MNAT1: variants seen among roughly 807,000 people sequenced by gnomAD.
MNAT1 encodes CDK-activating kinase assembly factor MAT1.
A neutral mutation model predicts 42.0 loss-of-function variants in MNAT1; 43 were observed. The ratio of observed to expected loss-of-function variants is 1.02; its 90% confidence interval spans 0.80 to 1.32. The LOEUF (loss-of-function observed/expected upper bound fraction) is 1.32, where lower values mean the gene tolerates loss of function less well. Among genes scored for constraint, MNAT1 ranks in the 40% most tolerant of loss-of-function variants. The pLI is 0.00. For synonymous variants in MNAT1, 118 were observed against 120.0 expected, an observed-to-expected ratio of 0.98 and a Z score of 0.11; for missense variants, 306 against 350.4, an observed-to-expected ratio of 0.87 and a Z score of 1.01.
chr14:60,830,983 A>T (rs1170079224), intron 6 of MNAT1, among the ~76,000 whole-genome samples: 1 of 152,134 alleles, frequency 6.6e-6, no homozygotes, highest in Non-Finnish European at 1.5e-5. Flanking sequence ...GCCTCCTGTT[A>T]ACATTTTTCT....
intron 6 of MNAT1, among the ~76,000 whole-genome samples, chr14:60,866,956 G>C (rs974659413): frequency 6.6e-6 from 1 of 151,988 alleles, no homozygotes; most frequent in Non-Finnish European, 1.5e-5. Flanking sequence ...ACATTTTTCT[G>C]TGTGGAACAC....
chr14:60,858,994 A>G (rs552772861), intron 6 of MNAT1, among the ~76,000 whole-genome samples: 7 of 152,350 alleles, frequency 4.6e-5, no homozygotes, highest in African/African-American at 9.6e-5. Flanking sequence ...TCTCCGAAGT[A>G]TGCCCATATC....
intron 6 of MNAT1, among the ~76,000 whole-genome samples, chr14:60,831,685 A>T (rs1472941161): frequency 6.6e-6 from 1 of 152,160 alleles, no homozygotes; most frequent in African/African-American, 2.4e-5. Context: ...TACTTTGGGT[A>T]TATACTCAGT....
chr14:60,802,299 T>C (rs1332547795), intron 3 of MNAT1, among the ~76,000 whole-genome samples: 1 of 152,184 alleles, frequency 6.6e-6, no homozygotes, highest in Admixed American at 6.5e-5. Flanking sequence ...TAATGTATTG[T>C]ATATTTCAAA....
At chr14:60,922,962 C>G (rs2035692488) in intron 7 of MNAT1, among the ~76,000 whole-genome samples, 1 of 152,140 alleles carries the variant, frequency 6.6e-6, no homozygotes, top group African/African-American at 2.4e-5. Context: ...AACTTATATG[C>G]AGTAAGTATC....
chr14:60,807,306 T>C (rs558780762), intron 3 of MNAT1, among the ~76,000 whole-genome samples: 1 of 152,156 alleles, frequency 6.6e-6, no homozygotes, highest in African/African-American at 2.4e-5. Context: ...TCAACTCTTA[T>C]AAGCTATTAA....
At chr14:60,795,806 T>A (rs1410925515) in intron 1 of MNAT1, among the ~76,000 whole-genome samples, 1 of 152,174 alleles carries the variant, frequency 6.6e-6, no homozygotes, top group East Asian at 1.9e-4. Flanking sequence ...TCTGTTTTAG[T>A]GCTTGGGGTA....
At chr14:60,761,825 T>C (rs1189826924) in intron 1 of MNAT1, among the ~76,000 whole-genome samples, 1 of 152,234 alleles carries the variant, frequency 6.6e-6, no homozygotes, top group Non-Finnish European at 1.5e-5. Flanking sequence ...AAATGTGTTA[T>C]GAGCTGCTTT....
intron 7 of MNAT1, among the ~76,000 whole-genome samples, chr14:60,951,969 T>C (rs908529027): frequency 6.6e-6 from 1 of 152,182 alleles, no homozygotes; most frequent in Admixed American, 6.5e-5. Context: ...GTGTGATTCC[T>C]TTTCCACCCA....
intron 1 of MNAT1, among the ~76,000 whole-genome samples, chr14:60,791,175 A>G (rs896113141): frequency 6.6e-6 from 1 of 152,140 alleles, no homozygotes; most frequent in Non-Finnish European, 1.5e-5. Flanking sequence ...TTTGTACCTT[A>G]TATTATTTGC....
intron 1 of MNAT1, among the ~76,000 whole-genome samples, chr14:60,763,946 G>GAT (rs2030709861): frequency 6.6e-6 from 1 of 152,182 alleles, no homozygotes; most frequent in Non-Finnish European, 1.5e-5. Context: ...AAGCTTCAGA[G>GAT]ATATAGTCAC....
intron 6 of MNAT1, among the ~76,000 whole-genome samples, chr14:60,845,710 C>A (rs2139408521): frequency 6.6e-6 from 1 of 152,262 alleles, no homozygotes; most frequent in African/African-American, 2.4e-5. Context: ...CCCTAGGCAA[C>A]CACTTCTCTA....
intron 6 of MNAT1, among the ~76,000 whole-genome samples, chr14:60,858,916 A>G (rs530184253): frequency 2.6e-5 from 4 of 152,356 alleles, no homozygotes; most frequent in East Asian, 1.9e-4. Flanking sequence ...TAGCTTTTAC[A>G]TGCATTAGGA....
rs1243103157 is a variant in MNAT1 at position 60,926,761 on chromosome 14, T to G, written c.810-41468T>G. Among the ~76,000 whole-genome samples, 4 of 152,154 alleles carry G rather than the reference T, an allele frequency of 2.6e-5. No individual in the cohort carries two copies. In the East Asian group the frequency reaches 7.7e-4, roughly 29 times the overall value. ...TATGTAGGCTCTGTTGATTATATCATTGGCCATTGGTGATTAACTCAACCT... is the reference window on the plus strand; with the variant it reads ...TATGTAGGCTCTGTTGATTATATCAGTGGCCATTGGTGATTAACTCAACCT... On this transcript the variant is annotated intron_variant, in intron 7 of 7. Coordinates refer to ENST00000261245, the MANE Select transcript of MNAT1 (RefSeq NM_002431.4).
chr14:60,779,161 G>A (rs80188911), intron 1 of MNAT1, among the ~76,000 whole-genome samples: 7,538 of 152,288 alleles, frequency 0.049, 219 homozygotes, highest in South Asian at 0.11. Flanking sequence ...TCATTATCAC[G>A]GTATGGACAG....
At chr14:60,960,256 G>A (rs1281573889) in intron 7 of MNAT1, among the ~76,000 whole-genome samples, 1 of 152,128 alleles carries the variant, frequency 6.6e-6, no homozygotes, top group Non-Finnish European at 1.5e-5. Context: ...AGGAGGGGAA[G>A]AGAGTTTATG....
chr14:60,748,486 C>G (rs2140290565), intron 1 of MNAT1, among the ~76,000 whole-genome samples: 1 of 152,328 alleles, frequency 6.6e-6, no homozygotes, highest in Admixed American at 6.5e-5. Context: ...TCGCCTTGGC[C>G]TCCCAAAGTG....
rs147213887 is a variant in MNAT1 at position 60,735,149 on chromosome 14, T to A, written c.89+198T>A. Among the ~76,000 whole-genome samples, 261 of 152,232 alleles carry A rather than the reference T, an allele frequency of 1.7e-3. 1 individual carries two copies. The highest frequency in any genetic ancestry group is 5.5e-3 in the African/African-American group (230 of 41,546). ...CGAGCGGCTCTGGCCTGCTTTGAAC[T>A]GCGGGTTCTCAGTGTGGCATCCAGC... On this transcript the variant is annotated intron_variant, in intron 1 of 7. Coordinates refer to ENST00000261245, the MANE Select transcript of MNAT1 (RefSeq NM_002431.4).
chr14:60,775,217 G>A (rs2031206266), intron 1 of MNAT1, among the ~76,000 whole-genome samples: 1 of 152,152 alleles, frequency 6.6e-6, no homozygotes, highest in African/African-American at 2.4e-5. Context: ...GTTCCCAGAT[G>A]GAGGAAGTGG....
Sources: allele counts gnomAD v4.1 joint callset (sites outside exome capture counted in the v4.1 genomes callset), GRCh38; gene constraint gnomAD v4.1.1; transcripts MANE v1.5; gene names NCBI Gene and HGNC (gene_info 2026-07-23, HGNC 2026-07-21).